LCP1: variants seen among roughly 807,000 people sequenced by gnomAD.
LCP1 encodes the protein plastin-2.
A neutral mutation model predicts 72.0 loss-of-function variants in LCP1; 23 were observed. The ratio of observed to expected loss-of-function variants is 0.32; its 90% confidence interval spans 0.23 to 0.45. LCP1 has a LOEUF of 0.45. LCP1 is among the 20% of genes least tolerant of loss of function. LCP1 has a pLI of 1.00. For missense variants in LCP1, 571 were observed against 748.3 expected, an observed-to-expected ratio of 0.76 and a Z score of 2.76; for synonymous variants, 245 against 275.4, an observed-to-expected ratio of 0.89 and a Z score of 1.09.
chr13:46,156,597 A>T, intron 4 of LCP1, 27 bp from the exon 5 acceptor site: 1 of 1,613,786 alleles, frequency 6.2e-7, no homozygotes, highest in African/African-American at 1.3e-5. Flanking sequence ...AAAGTGACTC[A>T]TTTGCAAAGT....
chr13:46,133,640 A>G (rs2045646470), intron 14 of LCP1, among the ~76,000 whole-genome samples: 1 of 152,146 alleles, frequency 6.6e-6, no homozygotes, highest in African/African-American at 2.4e-5. Context: ...AACAGATATG[A>G]AAAGTAAACA....
intron 1 of LCP1, among the ~76,000 whole-genome samples, chr13:46,166,161 T>C (rs1317028989): frequency 6.6e-6 from 1 of 152,228 alleles, no homozygotes. Flanking sequence ...TGTGGGAGTT[T>C]ACTCTTGAAC....
chr13:46,150,257 C>A (rs1473325686), intron 8 of LCP1, among the ~76,000 whole-genome samples: 2 of 152,236 alleles, frequency 1.3e-5, no homozygotes, highest in Non-Finnish European at 2.9e-5. Flanking sequence ...GCTTTCCATT[C>A]CTTTCTGCTC....
chr13:46,177,701 A>AAAAC (rs755648927), intron 1 of LCP1, among the ~76,000 whole-genome samples: 93 of 152,266 alleles, frequency 6.1e-4, no homozygotes, highest in African/African-American at 1.3e-3. Flanking sequence ...TCTGTCTCAA[A>AAAAC]AAACAAACAA....
chr13:46,148,842 G>T, intron 8 of LCP1: 1 of 898,172 alleles, frequency 1.1e-6, no homozygotes. Context: ...GACAGAAAAA[G>T]GAAGCACAAG....
At chr13:46,133,668 T>TA (rs778849588) in intron 14 of LCP1, among the ~76,000 whole-genome samples, 9 of 150,756 alleles carry the variant, frequency 6.0e-5, no homozygotes, top group Admixed American at 2.6e-4. Context: ...TAAAAAATAT[T>TA]AAAAAATAAA....
At chr13:46,128,370 G>A (rs55882352) in intron 15 of LCP1, among the ~76,000 whole-genome samples, 56,987 of 152,002 alleles carry the variant, frequency 0.37, 11,292 homozygotes, top group East Asian at 0.54. Context: ...TGGCCGAGGC[G>A]GGTGGATCAC....
intron 1 of LCP1, among the ~76,000 whole-genome samples, chr13:46,162,472 G>A (rs1433798047): frequency 1.3e-5 from 2 of 151,964 alleles, no homozygotes; most frequent in South Asian, 2.1e-4. Context: ...ACTCGTTTTC[G>A]TATTTTTTTG....
At chr13:46,175,298 G>C (rs2045923840) in intron 1 of LCP1, among the ~76,000 whole-genome samples, 2 of 152,112 alleles carry the variant, frequency 1.3e-5, no homozygotes, top group African/African-American at 4.8e-5. Context: ...AAAATGGAAG[G>C]GGAAAATAAC....
intron 1 of LCP1, among the ~76,000 whole-genome samples, chr13:46,172,265 C>A (rs1395754582): frequency 6.6e-6 from 1 of 152,136 alleles, no homozygotes; most frequent in African/African-American, 2.4e-5. Context: ...GGGTGGATCA[C>A]CTGAGGTCAG....
chr13:46,159,374 GA>G (rs1166402214), intron 2 of LCP1: 1 of 556,722 alleles, frequency 1.8e-6, no homozygotes, highest in Non-Finnish European at 3.2e-6. Context: ...CCATTTCCAG[GA>G]ACAAACTATG....
intron 14 of LCP1, among the ~76,000 whole-genome samples, chr13:46,133,480 G>T (rs2045645395): frequency 6.6e-6 from 1 of 151,940 alleles, no homozygotes; most frequent in South Asian, 2.1e-4. Context: ...AACAAAAATT[G>T]CTGGGCATGG....
At chr13:46,167,346 G>A (rs1369472798) in intron 1 of LCP1, among the ~76,000 whole-genome samples, 4 of 152,172 alleles carry the variant, frequency 2.6e-5, no homozygotes. Context: ...GCCTGGCTCT[G>A]TCGCCAGCTA....
chr13:46,143,947 T>C (rs9595420), intron 11 of LCP1, among the ~76,000 whole-genome samples: 2,086 of 151,930 alleles, frequency 0.014, 43 homozygotes, highest in African/African-American at 0.047. Flanking sequence ...GTGCCTGAAG[T>C]CCAAACTACT....
intron 12 of LCP1, 48 bp downstream of exon 12, chr13:46,143,242 G>T (rs749106688): frequency 4.7e-6 from 6 of 1,272,184 alleles, no homozygotes; most frequent in Non-Finnish European, 5.7e-6. Flanking sequence ...GCTCTTGCAG[G>T]CTATGACTTT....
In LCP1 at chr13:46,162,444, C is replaced by T. The variant is rs541090700; in HGVS notation, c.-24-2758G>A. Among the ~76,000 whole-genome samples, 869 of 152,014 alleles carry T rather than the reference C, an allele frequency of 5.7e-3. 5 individuals carry two copies. Among genetic ancestry groups the T allele is most frequent in the African/African-American group, 0.02 (839 of 41,454 alleles). ...CCTGCCAAGTGCCTGCGATTGCAGG[C>T]GCGCGCCTCCAGGCCTGACTCGTTT... On this transcript the variant is annotated intron_variant, in intron 1 of 15. Coordinates refer to ENST00000323076, the MANE Select transcript of LCP1 (RefSeq NM_002298.5).
At chr13:46,156,825 C>CTT (rs1208440641) in intron 4 of LCP1, among the ~76,000 whole-genome samples, 5 of 137,438 alleles carry the variant, frequency 3.6e-5, no homozygotes, top group Non-Finnish European at 4.6e-5. Context: ...CTTTTCTTTT[C>CTT]TTTTTTTTTT....
intron 5 of LCP1, among the ~76,000 whole-genome samples, chr13:46,156,142 C>G (rs571112065): frequency 6.6e-6 from 1 of 152,308 alleles, no homozygotes; most frequent in African/African-American, 2.4e-5. Context: ...ACTTAATTAT[C>G]TAATACATTG....
At chr13:46,169,370 A>T (rs2045893505) in intron 1 of LCP1, 2 of 152,362 alleles carry the variant, frequency 1.3e-5, no homozygotes, top group South Asian at 4.1e-4. Flanking sequence ...TCACATACAA[A>T]TATTGTGTAC....
Sources: allele counts gnomAD v4.1 joint callset (sites outside exome capture counted in the v4.1 genomes callset), GRCh38; gene constraint gnomAD v4.1.1; transcripts MANE v1.5; gene names NCBI Gene and HGNC (gene_info 2026-07-23, HGNC 2026-07-21).